The following EVI5L variants were observed in gnomAD, a reference collection of about 807,000 sequenced individuals.
EVI5L encodes the protein EVI5-like protein.
EVI5L carries 30 observed loss-of-function variants against 106.1 expected under a neutral mutation model. The ratio of observed to expected loss-of-function variants is 0.28; its 90% CI spans 0.21 to 0.38. The LOEUF (loss-of-function observed/expected upper bound fraction) is 0.38, where lower values mean the gene tolerates loss of function less well. Among genes scored for constraint, EVI5L ranks in the 10% least tolerant of loss-of-function variants. EVI5L has a pLI of 1.00. For synonymous variants in EVI5L, 489 were observed against 483.3 expected (o/e 1.01, Z -0.15); for missense variants, 809 against 1,098.0 (o/e 0.74, Z 3.72).
intron 10 of EVI5L, among the ~76,000 whole-genome samples, chr19:7,854,884 G>A (rs1390824813): frequency 6.6e-6 from 1 of 152,154 alleles, no homozygotes; most frequent in Non-Finnish European, 1.5e-5. Context: ...TTTGCTTCCT[G>A]GGAATGTTCT....
intron 1 of EVI5L, among the ~76,000 whole-genome samples, chr19:7,841,875 C>T (rs1323003339): frequency 1.3e-5 from 2 of 152,182 alleles, no homozygotes; most frequent in Non-Finnish European, 2.9e-5. Flanking sequence ...AGTGATTGAG[C>T]CAGTGAGGGT....
Position 7,863,139 on chromosome 19 carries a change from A to G in EVI5L, c.2044-46A>G, listed in dbSNP as rs1979931822. Reference sequence around the variant, plus strand: ...CGGGGCAGGAGCGGGGCCGGACCCCAGGCCCAGCATGGCACTGGCCCCGCG... The same window carrying G: ...CGGGGCAGGAGCGGGGCCGGACCCCGGGCCCAGCATGGCACTGGCCCCGCG... On this transcript the variant is annotated intron_variant, in intron 18 of 19. Transcript: ENST00000538904. The surrounding 1 kb of genome is among the most constrained non-coding windows in gnomAD (Gnocchi z 7.7). 1.3e-6 allele frequency: 2 copies of G among 1,538,942 alleles called. No homozygotes were observed. Among genetic ancestry groups the G allele is most frequent in the Non-Finnish European group, 1.8e-6 (2 of 1,141,802 alleles).
intron 1 of EVI5L, among the ~76,000 whole-genome samples, chr19:7,842,557 T>C (rs1402377088): frequency 6.8e-6 from 1 of 146,888 alleles, no homozygotes; most frequent in African/African-American, 2.5e-5. Context: ...TGTGTGTATG[T>C]GTGTGAATTG....
At position 7,846,822 on chromosome 19, in the gene EVI5L, C is replaced by T. The variant is rs543494666; in HGVS notation, c.137+143C>T. 7.9e-6 allele frequency: 9 copies of T among 1,145,242 alleles called. No individual in the cohort carries two copies. In the South Asian group the frequency reaches 1.3e-4, roughly 16 times the overall value. The allele number at this position is 1,145,242 out of a possible 1,614,324, so 70.9% of individuals were successfully genotyped here. A position where few individuals can be genotyped will look rare whatever the true frequency, so the allele number is the denominator to read the frequency against. On this transcript the variant is annotated intron_variant, in intron 2 of 19. Transcript: ENST00000538904. ...CTCCAGATGCTGGATGAGGGACAGA[C>T]ACCTCCTTTCATCCTCCCAACCCTG...
rs1979982046 is a variant in EVI5L, at chr19:7,863,774, C to T, written c.*72C>T. On this transcript the variant is annotated 3_prime_UTR_variant, in exon 20 of 20. Transcript: ENST00000538904. The surrounding 1 kb of genome is among the most constrained non-coding windows in gnomAD (Gnocchi z 7.7). ...GCGCCCGGGCAGTCCGCGTTCTGCT[C>T]CCCACCTGCCGCACTTGACAAACTA... The T allele has an allele frequency of 2.1e-6, 3 of 1,414,476 alleles. No homozygotes were observed. The highest frequency in any genetic ancestry group is 2.8e-6 in the Non-Finnish European group (3 of 1,089,658). The allele number at this position is 1,414,476 out of a possible 1,614,324, so 87.6% of individuals were successfully genotyped here. A position where few individuals can be genotyped will look rare whatever the true frequency, so the allele number is the denominator to read the frequency against.
rs1049728246 is a variant in EVI5L at position 7,845,464 on chromosome 19, T to C, written c.-47-1032T>C. 3.3e-5 allele frequency among the ~76,000 whole-genome samples: 5 copies of C among 152,192 alleles called. No individual in the cohort carries two copies. The highest frequency in any genetic ancestry group is 5.9e-5 in the Non-Finnish European group (4 of 68,028). ...CTCCAGGATGGACAGTGATAGCCGA[T>C]GTCCGTGGGGCCATCACTGAGTGTC... On this transcript the variant is annotated intron_variant, in intron 1 of 19. Coordinates refer to ENST00000538904, the MANE Select transcript of EVI5L (RefSeq NM_001159944.3). The surrounding 1 kb of genome is among the most constrained non-coding windows in gnomAD (Gnocchi z 4.0).
chr19:7,863,688 G>A lies in EVI5L; in HGVS notation c.2404G>A (p.Gly802Ser). ...ADELAAPYSQGLDN is the reference protein window; with the variant it reads ...ADELAAPYSQSLDN ...TGAGCTGGCCGCGCCCTACAGCCAG[G>A]GTCTGGACAACTGAGGCCATGCCCA... Residue 802 changes from glycine (G) to serine (S), a missense_variant, in exon 20 of 20, where the codon GGT becomes AGT. Physicochemically the swap from Gly to Ser is moderately conservative, Grantham distance 56. Transcript: ENST00000538904. This position sits in a 1 kb window ranked among gnomAD's most constrained non-coding sequence, Gnocchi z 7.7. The A allele has an allele frequency of 6.6e-7, 1 of 1,509,294 alleles. No homozygotes were observed. The highest frequency in any genetic ancestry group is 1.4e-5 in the African/African-American group (1 of 71,324). 93.5% of individuals were successfully genotyped at this position (1,509,294 alleles called of 1,614,324 possible).
At chr19:7,836,918 C>T (rs1293978703) in intron 1 of EVI5L, among the ~76,000 whole-genome samples, 4 of 151,724 alleles carry the variant, frequency 2.6e-5, no homozygotes, top group Admixed American at 2.6e-4. Context: ...CAGACATGAG[C>T]CACCGCACCC....
In EVI5L at chr19:7,858,940, C is replaced by G. The variant is rs1979667064; in HGVS notation, c.1374+609C>G. 1 of 152,306 alleles carries G rather than the reference C, an allele frequency of 6.6e-6. No homozygotes were observed. Among genetic ancestry groups the G allele is most frequent in the South Asian group, 2.1e-4 (1 of 4,826 alleles). 9.4% of individuals were successfully genotyped at this position (152,306 alleles called of 1,614,324 possible). ...GGTGCAGTGGCTCACGCCTTAATCT[C>G]AGCACTTTGGGAGGCTGAGGCAGGT... On this transcript the variant is annotated intron_variant, in intron 13 of 19. Coordinates refer to ENST00000538904, the MANE Select transcript of EVI5L (RefSeq NM_001159944.3). This position sits in a 1 kb window ranked among gnomAD's most constrained non-coding sequence, Gnocchi z 5.7.
At position 7,856,202 on chromosome 19, in the gene EVI5L, C is replaced by T; in HGVS notation, c.1200+134C>T. 1.1e-6 allele frequency: 1 copy of T among 878,342 alleles called. No homozygotes were observed. Among genetic ancestry groups the T allele is most frequent in the Non-Finnish European group, 1.5e-6 (1 of 653,870 alleles). The allele number at this position is 878,342 out of a possible 1,614,324, so 54.4% of individuals were successfully genotyped here. On this transcript the variant is annotated intron_variant, in intron 11 of 19. Transcript: ENST00000538904. This position sits in a 1 kb window ranked among gnomAD's most constrained non-coding sequence, Gnocchi z 6.6. ...AGGACTAAGCAGCCCTACCTTCCTG[C>T]CCCAGGACCCGACCTGAACCCGATT...
intron 1 of EVI5L, among the ~76,000 whole-genome samples, chr19:7,844,943 G>A (rs1328134411): frequency 1.3e-5 from 2 of 152,184 alleles, no homozygotes; most frequent in African/African-American, 4.8e-5. Context: ...CCAACCTGTA[G>A]GCCCTCAGGG....
At chr19:7,861,831 A>C in intron 14 of EVI5L, 47 bp from the exon 15 acceptor site, 1 of 1,546,778 alleles carries the variant, frequency 6.5e-7, no homozygotes, top group East Asian at 2.4e-5. Flanking sequence ...AGGAAGGGCC[A>C]TGCGGCTGCG....
At chr19:7,842,629 G>C (rs979442699) in intron 1 of EVI5L, among the ~76,000 whole-genome samples, 7 of 151,620 alleles carry the variant, frequency 4.6e-5, no homozygotes, top group Admixed American at 4.6e-4. Context: ...GTGTGCGTGT[G>C]TGAAAATATG....
At position 7,863,715 on chromosome 19, in the gene EVI5L, C is replaced by CG. The variant is rs565797924; in HGVS notation, c.*14dup. The CG allele has an allele frequency of 3.0e-5, 44 of 1,451,884 alleles. No homozygotes were observed. Among genetic ancestry groups the CG allele is most frequent in the Non-Finnish European group, 3.8e-5 (42 of 1,106,384 alleles). The allele number at this position is 1,451,884 out of a possible 1,614,324, so 89.9% of individuals were successfully genotyped here. On this transcript the variant is annotated 3_prime_UTR_variant, in exon 20 of 20. Transcript: ENST00000538904. This position sits in a 1 kb window ranked among gnomAD's most constrained non-coding sequence, Gnocchi z 7.7. ...TCTGGACAACTGAGGCCATGCCCAG[C>CG]GCGCCCGGAGTCAGGAGGCCGCAGC...
chr19:7,838,620 T>C (rs900946480), intron 1 of EVI5L, among the ~76,000 whole-genome samples: 8 of 152,184 alleles, frequency 5.3e-5, no homozygotes, highest in Non-Finnish European at 1.0e-4. Flanking sequence ...GAATGCCAGA[T>C]AGTGCATTAG....
intron 1 of EVI5L, among the ~76,000 whole-genome samples, chr19:7,831,570 CCTGCCCCAGGCCT>C (rs1158760737): frequency 2.0e-5 from 3 of 152,204 alleles, no homozygotes; most frequent in Non-Finnish European, 2.9e-5. Flanking sequence ...CCTGTGGGAA[CCTGCCCCAGGCCT>C]CTGCCAAGTT....
Position 7,848,010 on chromosome 19 carries a change from G to A in EVI5L, c.327+89G>A, listed in dbSNP as rs982391362. On this transcript the variant is annotated intron_variant, in intron 3 of 19. Transcript: ENST00000538904. The surrounding 1 kb of genome is among the most constrained non-coding windows in gnomAD (Gnocchi z 4.8). Reference sequence around the variant, plus strand: ...CCACCAGGCAGCGCCAGGGTCTGCGGGGCCCCAGCCTGGGCACAGCGGCAG... The same window carrying A: ...CCACCAGGCAGCGCCAGGGTCTGCGAGGCCCCAGCCTGGGCACAGCGGCAG... The A allele has an allele frequency of 2.1e-6, 3 of 1,420,524 alleles. No homozygotes were observed. Among genetic ancestry groups the A allele is most frequent in the Non-Finnish European group, 2.8e-6 (3 of 1,068,536 alleles). The allele number at this position is 1,420,524 out of a possible 1,614,324, so 88.0% of individuals were successfully genotyped here.
chr19:7,860,438 C>T (rs927733998), intron 13 of EVI5L, 123 bp from the exon 14 acceptor site: 1 of 836,440 alleles, frequency 1.2e-6, no homozygotes, highest in African/African-American at 1.7e-5. Context: ...CCAGGACACC[C>T]CAAGCCTGGG....
chr19:7,831,500 CCAG>C (rs1291934735), intron 1 of EVI5L, among the ~76,000 whole-genome samples: 3 of 152,242 alleles, frequency 2.0e-5, no homozygotes, highest in South Asian at 4.1e-4. Flanking sequence ...CTCCACCAAA[CCAG>C]CGCCCACACT....
Sources: gnomAD v4.1 joint callset for allele counts (sites outside exome capture counted in the v4.1 genomes callset) on GRCh38, gnomAD v4.1.1 for gene constraint, Gnocchi (gnomAD v3.1) non-coding constraint, MANE v1.5 for transcripts, NCBI Gene and HGNC (gene_info 2026-07-23, HGNC 2026-07-21) for gene names.